The following STOX2 variants were observed in gnomAD, a reference collection of about 807,000 sequenced individuals.
STOX2 encodes the protein storkhead-box protein 2.
A neutral mutation model predicts 60.9 loss-of-function variants in STOX2; 28 were observed. The ratio of observed to expected loss-of-function variants is 0.46; its 90% CI spans 0.34 to 0.63. STOX2 has a LOEUF of 0.63. Ranked by LOEUF, STOX2 falls within the 30% of genes least tolerant of loss-of-function variation. The pLI is 0.01. For missense variants in STOX2, 1,024 were observed against 1,187.7 expected (o/e 0.86, Z 2.03); for synonymous variants, 472 against 463.9 (o/e 1.02, Z -0.22).
At chr4:183,849,087 A>T (rs1335493151) in intron 1 of STOX2, among the ~76,000 whole-genome samples, 1 of 152,208 alleles carries the variant, frequency 6.6e-6, no homozygotes, top group African/African-American at 2.4e-5. Flanking sequence ...ATCAAACTAG[A>T]GATGGGAGAA....
chr4:183,934,656 C>T (rs1421844795), intron 1 of STOX2, among the ~76,000 whole-genome samples: 6 of 152,098 alleles, frequency 3.9e-5, no homozygotes, highest in Non-Finnish European at 7.4e-5. Flanking sequence ...TCAGCCTCAA[C>T]GAGCCTCCTT....
At chr4:183,823,720 G>C (rs4078181) in intron 1 of STOX2, among the ~76,000 whole-genome samples, 20,872 of 152,190 alleles carry the variant, frequency 0.14, 1,501 homozygotes, top group East Asian at 0.2. Flanking sequence ...CCCATCTGGC[G>C]GAGGCTGCCG....
At chr4:184,007,045 A>AAAAAAAAAACAAAAAC (rs1553987519) in intron 2 of STOX2, among the ~76,000 whole-genome samples, 1 of 118,474 alleles carries the variant, frequency 8.4e-6, no homozygotes, top group African/African-American at 3.1e-5. Context: ...AAACAAAAAA[A>AAAAAAAAAACAAAAAC]AAATTTTGTT....
intron 2 of STOX2, among the ~76,000 whole-genome samples, chr4:184,007,504 C>T (rs1046267052): frequency 6.6e-6 from 1 of 152,206 alleles, no homozygotes; most frequent in African/African-American, 2.4e-5. Context: ...CTCCTTTCAC[C>T]TCAGCCCTGT....
chr4:183,869,774 C>T (rs79359651), intron 1 of STOX2, among the ~76,000 whole-genome samples: 2,684 of 152,264 alleles, frequency 0.018, 92 homozygotes, highest in African/African-American at 0.061. Context: ...AAGCTATGTA[C>T]GAGACCATTC....
chr4:183,834,292 C>G (rs534689411), intron 1 of STOX2, among the ~76,000 whole-genome samples: 2 of 152,212 alleles, frequency 1.3e-5, no homozygotes, highest in South Asian at 2.1e-4. Context: ...TCACACAGAC[C>G]GTTTTGGATC....
intron 1 of STOX2, among the ~76,000 whole-genome samples, chr4:183,912,527 A>G (rs1048293630): frequency 2.0e-5 from 3 of 152,132 alleles, no homozygotes; most frequent in African/African-American, 7.2e-5. Context: ...GTCTGATAGA[A>G]TCCTCTTTAG....
At chr4:183,926,623 GTT>G (rs71591608) in intron 1 of STOX2, among the ~76,000 whole-genome samples, 3 of 146,388 alleles carry the variant, frequency 2.0e-5, no homozygotes, top group Non-Finnish European at 3.0e-5. Flanking sequence ...GCAAAAGTGG[GTT>G]TTTTTTTTTT....
At chr4:183,887,343 C>G (rs1178137134) in intron 1 of STOX2, among the ~76,000 whole-genome samples, 1 of 151,772 alleles carries the variant, frequency 6.6e-6, no homozygotes, top group Non-Finnish European at 1.5e-5. Context: ...GTCAGAGACA[C>G]CATCAATTTA....
intron 1 of STOX2, among the ~76,000 whole-genome samples, chr4:183,951,214 C>CA (rs1467966638): frequency 0.011 from 948 of 88,286 alleles, 6 homozygotes; most frequent in African/African-American, 0.036. Context: ...GACTCCGTCT[C>CA]AAAAAAAAAG....
At chr4:183,916,897 G>C (rs1471658192) in intron 1 of STOX2, among the ~76,000 whole-genome samples, 1 of 152,106 alleles carries the variant, frequency 6.6e-6, no homozygotes, top group African/African-American at 2.4e-5. Flanking sequence ...CTAGAGTTTA[G>C]AACTTAGTTC....
intron 1 of STOX2, among the ~76,000 whole-genome samples, chr4:183,940,911 C>T (rs1427358119): frequency 1.3e-5 from 2 of 152,030 alleles, no homozygotes; most frequent in Admixed American, 6.6e-5. Flanking sequence ...TGATGAATAC[C>T]GTGTCAAATA....
rs910448503 is a variant in STOX2, at chr4:184,020,506, G to A, written c.*3222G>A. On this transcript the variant is annotated 3_prime_UTR_variant, in exon 4 of 4. Transcript: ENST00000308497. ...GTAACAGAAGACACACAAGCAATGT[G>A]GACTGCCAAGCTTGAAGCACTTCGG... The A allele has an allele frequency of 8.5e-5, 13 of 152,156 alleles. No homozygotes were observed. The highest frequency in any genetic ancestry group is 3.1e-4 in the African/African-American group (13 of 41,430). 9.4% of individuals were successfully genotyped at this position (152,156 alleles called of 1,614,324 possible). A position where few individuals can be genotyped will look rare whatever the true frequency, so the allele number is the denominator to read the frequency against.
intron 1 of STOX2, among the ~76,000 whole-genome samples, chr4:183,897,613 TTTGAGGAGAGGC>T (rs1420758487): frequency 4.6e-5 from 7 of 152,210 alleles, no homozygotes; most frequent in Admixed American, 1.3e-4. Context: ...TTTTAGCCAT[TTTGAGGAGAGGC>T]TTGAGAGCTT....
intron 1 of STOX2, among the ~76,000 whole-genome samples, chr4:183,890,249 C>T (rs568476492): frequency 2.0e-5 from 3 of 152,150 alleles, no homozygotes; most frequent in African/African-American, 4.8e-5. Context: ...CTTTGAAAGG[C>T]CGAGGTGGGC....
intron 1 of STOX2, among the ~76,000 whole-genome samples, chr4:183,881,480 G>A (rs1237298297): frequency 1.3e-5 from 2 of 152,092 alleles, no homozygotes; most frequent in Admixed American, 6.5e-5. Context: ...TCAGCCTGGC[G>A]ACAATGCAAA....
intron 1 of STOX2, among the ~76,000 whole-genome samples, chr4:183,817,066 C>T (rs989321374): frequency 1.3e-5 from 2 of 152,212 alleles, no homozygotes; most frequent in African/African-American, 4.8e-5. Context: ...GAGTGCAGCA[C>T]ATGCCTCAAG....
intron 1 of STOX2, among the ~76,000 whole-genome samples, chr4:183,876,310 C>T (rs894582793): frequency 6.6e-6 from 1 of 152,190 alleles, no homozygotes; most frequent in African/African-American, 2.4e-5. Flanking sequence ...AAAGGCTGTG[C>T]GTAATGGCTT....
Position 183,836,100 on chromosome 4 carries a change from G to A in STOX2, c.364+38045G>A, listed in dbSNP as rs529798305. On this transcript the variant is annotated intron_variant, in intron 1 of 2. Transcript: ENST00000513034. This position sits in a 1 kb window ranked among gnomAD's most constrained non-coding sequence, Gnocchi z 4.1. The stretch of plus-strand genomic sequence containing the variant: ...GGTATCCACTGCAGTTTTGATTTGC[G>A]ATCTCCTGGTGACTAATGATGTTGA... Among the ~76,000 whole-genome samples, 5 of 152,138 alleles carry A rather than the reference G, an allele frequency of 3.3e-5. No individual in the cohort carries two copies. The highest frequency in any genetic ancestry group is 2.1e-4 in the South Asian group (1 of 4,812).
Sources: gnomAD v4.1 joint callset for allele counts (sites outside exome capture counted in the v4.1 genomes callset) on GRCh38, gnomAD v4.1.1 for gene constraint, Gnocchi (gnomAD v3.1) non-coding constraint, MANE v1.5 for transcripts, NCBI Gene and HGNC (gene_info 2026-07-23, HGNC 2026-07-21) for gene names.